SNTG1: variants seen among roughly 807,000 people sequenced by gnomAD.
The protein encoded by SNTG1 is gamma-1-syntrophin.
A neutral mutation model predicts 74.7 loss-of-function variants in SNTG1; 39 were observed. The ratio of observed to expected loss-of-function variants is 0.52; its 90% CI spans 0.40 to 0.68. The LOEUF (loss-of-function observed/expected upper bound fraction) is 0.68. Ranked by LOEUF, SNTG1 falls within the 30% of genes least tolerant of loss-of-function variation. The probability of loss-of-function intolerance (pLI) is 0.00; values close to 1 mark genes in which losing one functional copy is unlikely to be tolerated. For synonymous variants in SNTG1, 254 were observed against 217.1 expected (o/e 1.17, Z -1.49); for missense variants, 685 against 609.5 (o/e 1.12, Z -1.30).
intron 2 of SNTG1, among the ~76,000 whole-genome samples, chr8:50,283,143 A>G (rs1408781329): frequency 6.6e-6 from 1 of 152,232 alleles, no homozygotes; most frequent in Non-Finnish European, 1.5e-5. Flanking sequence ...AGTGTTTGAA[A>G]CAAAAAAGCG....
intron 11 of SNTG1, among the ~76,000 whole-genome samples, chr8:50,541,276 T>TGC (rs3036682): frequency 1.3e-5 from 2 of 151,314 alleles, no homozygotes; most frequent in South Asian, 2.1e-4. Context: ...TGTGTGTGTG[T>TGC]GCATGTTTAT....
chr8:50,511,052 T>G (rs927752903), intron 9 of SNTG1, among the ~76,000 whole-genome samples: 4 of 152,216 alleles, frequency 2.6e-5, no homozygotes, highest in African/African-American at 9.6e-5. Flanking sequence ...TGTGGGCATT[T>G]AGTGCTATAA....
chr8:50,078,140 A>G (rs1241430141), intron 1 of SNTG1, among the ~76,000 whole-genome samples: 1 of 152,234 alleles, frequency 6.6e-6, no homozygotes, highest in African/African-American at 2.4e-5. Flanking sequence ...ATTGGTTTAT[A>G]TGTTGTCTTT....
At chr8:50,031,883 G>C (rs967917624) in intron 1 of SNTG1, among the ~76,000 whole-genome samples, 1 of 152,032 alleles carries the variant, frequency 6.6e-6, no homozygotes, top group African/African-American at 2.4e-5. Context: ...AGAATGTGTA[G>C]AATTTACGTC....
In SNTG1 at chr8:50,628,302, C is replaced by T. The variant is rs553058280; in HGVS notation, c.850-28607C>T. On this transcript the variant is annotated intron_variant, in intron 13 of 18. Transcript: ENST00000642720. ...TTAATAACTTGATTGATTTAAGCCT[C>T]GGAATTGATTTTTCCAATTTCACTA... is the stretch of plus-strand genomic sequence containing the variant. Among the ~76,000 whole-genome samples, 24 of 152,046 alleles carry T rather than the reference C, an allele frequency of 1.6e-4. No individual in the cohort carries two copies. The South Asian group carries it at 4.4e-3, about 28-fold the overall frequency.
chr8:49,970,464 C>T (rs999898388), intron 1 of SNTG1, among the ~76,000 whole-genome samples: 10 of 152,204 alleles, frequency 6.6e-5, no homozygotes, highest in African/African-American at 2.4e-4. Flanking sequence ...CAGTGCTTCT[C>T]TTCCAGGGAC....
At chr8:50,222,266 A>T (rs1292460326) in intron 2 of SNTG1, among the ~76,000 whole-genome samples, 1 of 152,196 alleles carries the variant, frequency 6.6e-6, no homozygotes, top group African/African-American at 2.4e-5. Context: ...GTGGTCTTTC[A>T]TTAGATTTAT....
rs142768060 is a variant in SNTG1 at position 50,009,814 on chromosome 8, A to G, written c.-103+97583A>G. On this transcript the variant is annotated intron_variant, in intron 1 of 18. Coordinates refer to ENST00000642720, the MANE Select transcript of SNTG1 (RefSeq NM_018967.5). Reference sequence around the variant, plus strand: ...GGAGTTTGAGACCAGCCTGGGAAACATGGCAAAACCCCATCTCTACTAAAA... The same window carrying G: ...GGAGTTTGAGACCAGCCTGGGAAACGTGGCAAAACCCCATCTCTACTAAAA... Among the ~76,000 whole-genome samples the G allele has an allele frequency of 5.0e-3, 754 of 152,270 alleles. 8 individuals carry two copies. The highest frequency in any genetic ancestry group is 0.017 in the African/African-American group (698 of 41,556).
chr8:49,918,281 A>G (rs1806220922), intron 1 of SNTG1, among the ~76,000 whole-genome samples: 1 of 152,208 alleles, frequency 6.6e-6, no homozygotes, highest in Admixed American at 6.5e-5. Context: ...AACTCATAGA[A>G]CAAATAGGAA....
intron 9 of SNTG1, among the ~76,000 whole-genome samples, chr8:50,524,543 A>G (rs2094205137): frequency 1.3e-5 from 2 of 152,156 alleles, no homozygotes; most frequent in Admixed American, 6.6e-5. Flanking sequence ...TATATTTTAT[A>G]TCCCTTAAAC....
intron 11 of SNTG1, among the ~76,000 whole-genome samples, chr8:50,537,782 A>G (rs2094318289): frequency 6.6e-6 from 1 of 152,178 alleles, no homozygotes; most frequent in East Asian, 1.9e-4. Flanking sequence ...TGTCTCCATC[A>G]CAAAGTACTC....
At chr8:50,480,280 G>A (rs958870310) in intron 8 of SNTG1, among the ~76,000 whole-genome samples, 1 of 142,800 alleles carries the variant, frequency 7.0e-6, no homozygotes, top group Non-Finnish European at 1.6e-5. Context: ...TCTTTTTTGA[G>A]ATTTTTTCCA....
chr8:50,472,601 T>A (rs2093662143), intron 8 of SNTG1, among the ~76,000 whole-genome samples: 1 of 151,992 alleles, frequency 6.6e-6, no homozygotes, highest in African/African-American at 2.4e-5. Flanking sequence ...CTTTATACCA[T>A]CAGATTAGGC....
At chr8:49,938,643 C>CTTTCTTTCTTT (rs1563371305) in intron 1 of SNTG1, among the ~76,000 whole-genome samples, 5 of 106,320 alleles carry the variant, frequency 4.7e-5, no homozygotes, top group Admixed American at 1.0e-4. Context: ...TTCTTTCTTT[C>CTTTCTTTCTTT]CTTCCTCTCT....
chr8:50,171,779 T>C (rs1426743118), intron 1 of SNTG1, among the ~76,000 whole-genome samples: 2 of 152,180 alleles, frequency 1.3e-5, no homozygotes, highest in Non-Finnish European at 2.9e-5. Context: ...CTGATTCAGA[T>C]TCAGAATTGA....
At chr8:50,733,125 T>C (rs1217399190) in intron 17 of SNTG1, among the ~76,000 whole-genome samples, 1 of 151,952 alleles carries the variant, frequency 6.6e-6, no homozygotes, top group Non-Finnish European at 1.5e-5. Context: ...ATTGTTCTCA[T>C]ATTTATGTTA....
intron 3 of SNTG1, among the ~76,000 whole-genome samples, chr8:50,399,028 A>G (rs1455126819): frequency 6.6e-6 from 1 of 152,242 alleles, no homozygotes; most frequent in Non-Finnish European, 1.5e-5. Flanking sequence ...TTAATGCTGC[A>G]CAGTATTTGC....
At chr8:50,180,750 CTTTTTTTTTTTT>C (rs60630226) in intron 2 of SNTG1, among the ~76,000 whole-genome samples, 4 of 80,666 alleles carry the variant, frequency 5.0e-5, no homozygotes, top group East Asian at 3.5e-4. Context: ...ATTGTGAAGC[CTTTTTTTTTTTT>C]TTTTTTTTTT....
intron 10 of SNTG1, among the ~76,000 whole-genome samples, chr8:50,535,519 G>C (rs540281576): frequency 6.6e-6 from 1 of 152,258 alleles, no homozygotes; most frequent in South Asian, 2.1e-4. Context: ...AGCATTGAAG[G>C]ACAGGTGACT....
Sources: allele counts gnomAD v4.1 joint callset (sites outside exome capture counted in the v4.1 genomes callset), GRCh38; gene constraint gnomAD v4.1.1; transcripts MANE v1.5; gene names NCBI Gene and HGNC (gene_info 2026-07-23, HGNC 2026-07-21).